CPLX2: variants seen among roughly 807,000 people sequenced by gnomAD.
The protein encoded by CPLX2 is complexin-2.
In CPLX2, 5 loss-of-function variants were observed where a neutral mutation model predicts 16.3. That is an observed-to-expected ratio of 0.31 (90% CI 0.16 to 0.64). The LOEUF (loss-of-function observed/expected upper bound fraction) is 0.64, where lower values mean the gene tolerates loss of function less well. Among genes scored for constraint, CPLX2 ranks in the 30% least tolerant of loss-of-function variants. The pLI is 0.79. For missense variants in CPLX2, 144 were observed against 181.4 expected, an observed-to-expected ratio of 0.79 and a Z score of 1.18; for synonymous variants, 89 against 73.2, an observed-to-expected ratio of 1.22 and a Z score of -1.10.
chr5:175,855,824 A>G (rs959858828), intron 2 of CPLX2, among the ~76,000 whole-genome samples: 1 of 152,216 alleles, frequency 6.6e-6, no homozygotes. Flanking sequence ...AGGAGATTCA[A>G]TTCCATCCAA....
At chr5:175,812,228 G>A (rs1438712727) in intron 2 of CPLX2, among the ~76,000 whole-genome samples, 1 of 152,206 alleles carries the variant, frequency 6.6e-6, no homozygotes, top group African/African-American at 2.4e-5. Context: ...AGCCAGCACA[G>A]CTCAGGCCCC....
chr5:175,870,347 G>A (rs1341454582), upstream of CPLX2, among the ~76,000 whole-genome samples: 9 of 152,228 alleles, frequency 5.9e-5, no homozygotes, highest in South Asian at 1.2e-3. Flanking sequence ...TGCTGTGATC[G>A]TGTGTGAAGG....
chr5:175,867,346 C>T (rs1362171343), upstream of CPLX2, among the ~76,000 whole-genome samples: 1 of 152,182 alleles, frequency 6.6e-6, no homozygotes, highest in Non-Finnish European at 1.5e-5. Flanking sequence ...AGCCTTACCA[C>T]TGATGGTTAC....
intron 2 of CPLX2, among the ~76,000 whole-genome samples, chr5:175,863,100 C>A (rs937997065): frequency 3.3e-5 from 5 of 152,304 alleles, no homozygotes; most frequent in African/African-American, 1.2e-4. Context: ...CTGAGCCAAG[C>A]TGACTGGAAG....
chr5:175,814,614 G>T (rs1454587905), intron 2 of CPLX2, among the ~76,000 whole-genome samples: 4 of 152,166 alleles, frequency 2.6e-5, no homozygotes, highest in South Asian at 2.1e-4. Flanking sequence ...GTGTGAATTA[G>T]GGTACACTGA....
Position 175,830,198 on chromosome 5 carries a change from G to A in CPLX2, c.-89+21130G>A, listed in dbSNP as rs1023308164. Among the ~76,000 whole-genome samples the A allele has an allele frequency of 6.6e-6, 1 of 152,214 alleles. No homozygotes were observed. The highest frequency in any genetic ancestry group is 1.5e-5 in the Non-Finnish European group (1 of 68,026). On this transcript the variant is annotated intron_variant, in intron 2 of 4. Transcript: ENST00000359546. The surrounding 1 kb of genome is among the most constrained non-coding windows in gnomAD (Gnocchi z 4.0). ...AGGGACAGGCAGGGAGGGCACTGCC[G>A]CCACAGAGCTGCCCTGGTTCCCTGC...
In CPLX2 at chr5:175,877,499, C is replaced by T. The variant is rs1461831760; in HGVS notation, c.-88-1153C>T. Among the ~76,000 whole-genome samples the T allele has an allele frequency of 2.0e-5, 3 of 152,198 alleles. No individual in the cohort carries two copies. The East Asian group carries it at 5.8e-4, about 29-fold the overall frequency. On this transcript the variant is annotated intron_variant, in intron 1 of 3. Coordinates refer to ENST00000393745, the MANE Select transcript of CPLX2 (RefSeq NM_001008220.2). ...GGAACCCTTTTTCTTCCTTGCAAGG[C>T]TGTGTGGGACAAAAGGCCTTGGGGA...
At chr5:175,844,355 C>T (rs535850974) in intron 2 of CPLX2, among the ~76,000 whole-genome samples, 5 of 152,348 alleles carry the variant, frequency 3.3e-5, no homozygotes, top group Admixed American at 2.0e-4. Flanking sequence ...GAATTGGTCA[C>T]GCATTCATTC....
upstream of CPLX2, among the ~76,000 whole-genome samples, chr5:175,870,124 C>T (rs545270735): frequency 6.6e-6 from 1 of 152,254 alleles, no homozygotes; most frequent in Admixed American, 6.5e-5. Flanking sequence ...AGTATCTGCC[C>T]TAGGAAAGGG....
intron 2 of CPLX2, among the ~76,000 whole-genome samples, chr5:175,815,695 T>C (rs748268795): frequency 6.6e-6 from 1 of 152,202 alleles, no homozygotes; most frequent in Middle Eastern, 3.2e-3. Flanking sequence ...AGATGAGACA[T>C]CACTTCCTCC....
chr5:175,869,737 G>A (rs1759548731), upstream of CPLX2, among the ~76,000 whole-genome samples: 3 of 152,074 alleles, frequency 2.0e-5, no homozygotes. Context: ...TGATTTCCAG[G>A]TGCCCACCAC....
Position 175,878,995 on chromosome 5 carries a change from CGCTGCGGCAGCAGGAGGAGGA to C in CPLX2, c.122_142del (p.Leu41_Glu47del). 1 of 1,599,330 alleles carries C rather than the reference CGCTGCGGCAGCAGGAGGAGGA, an allele frequency of 6.3e-7. No homozygotes were observed. Among genetic ancestry groups the C allele is most frequent in the Non-Finnish European group, 8.5e-7 (1 of 1,173,398 alleles). On this transcript the variant is annotated inframe_deletion, in exon 3 of 4. Coordinates refer to ENST00000393745, the MANE Select transcript of CPLX2 (RefSeq NM_001008220.2). ...AAAAAGGAGGAGGAGCGGCAGGAGG[CGCTGCGGCAGCAGGAGGAGGA>C]GCGTAAGGCCAAGCACGCGCGCATG...
At chr5:175,858,020 A>G (rs1270439968) in intron 2 of CPLX2, among the ~76,000 whole-genome samples, 1 of 152,232 alleles carries the variant, frequency 6.6e-6, no homozygotes, top group Non-Finnish European at 1.5e-5. Flanking sequence ...GCCTGCAAGG[A>G]AAGTGTCAAC....
intron 2 of CPLX2, among the ~76,000 whole-genome samples, chr5:175,855,160 G>A (rs1173344559): frequency 1.3e-5 from 2 of 152,228 alleles, no homozygotes; most frequent in East Asian, 1.9e-4. Context: ...GATGAGAGCA[G>A]GAGAGTAGAC....
intron 2 of CPLX2, among the ~76,000 whole-genome samples, chr5:175,814,635 CAG>C (rs1358718247): frequency 6.6e-6 from 1 of 152,128 alleles, no homozygotes; most frequent in African/African-American, 2.4e-5. Flanking sequence ...TAGCAAGCAA[CAG>C]AGACTAACTC....
intron 2 of CPLX2, among the ~76,000 whole-genome samples, chr5:175,852,233 CGA>C (rs1759171096): frequency 1.3e-5 from 2 of 152,174 alleles, no homozygotes; most frequent in Non-Finnish European, 2.9e-5. Flanking sequence ...CACAGGAATA[CGA>C]AACTTTACCA....
At chr5:175,821,468 C>T (rs185762466) in intron 2 of CPLX2, among the ~76,000 whole-genome samples, 58 of 152,198 alleles carry the variant, frequency 3.8e-4, no homozygotes, top group Non-Finnish European at 6.9e-4. Flanking sequence ...AGTGCAATGG[C>T]GCGATCTCGG....
chr5:175,871,252 G>C (rs902326589), upstream of CPLX2, among the ~76,000 whole-genome samples: 1 of 151,168 alleles, frequency 6.6e-6, no homozygotes, highest in African/African-American at 2.4e-5. Context: ...GAGGCGGCAG[G>C]GGCGTCTGCG....
intron 2 of CPLX2, among the ~76,000 whole-genome samples, chr5:175,865,509 TC>T (rs1759457317): frequency 6.6e-6 from 1 of 152,116 alleles, no homozygotes; most frequent in Admixed American, 6.5e-5. Flanking sequence ...AACTAAAAAT[TC>T]CTCCTAGAAC....
Sources: allele counts gnomAD v4.1 joint callset (sites outside exome capture counted in the v4.1 genomes callset), GRCh38; gene constraint gnomAD v4.1.1; non-coding constraint Gnocchi (gnomAD v3.1); transcripts MANE v1.5; gene names NCBI Gene and HGNC (gene_info 2026-07-23, HGNC 2026-07-21).